Variants in VAMP1 observed in about 807,000 individuals in gnomAD.
The protein encoded by VAMP1 is vesicle-associated membrane protein 1.
In VAMP1, 16 loss-of-function variants were observed where a neutral mutation model predicts 19.1. That is an observed-to-expected ratio of 0.84 (90% CI 0.57 to 1.27). VAMP1 has a LOEUF of 1.27. VAMP1 is among the 50% of genes most tolerant of loss of function. VAMP1 has a pLI of 0.00. For synonymous variants in VAMP1, 37 were observed against 50.2 expected (o/e 0.74, Z 1.11); for missense variants, 109 against 145.4 (o/e 0.75, Z 1.29).
At chr12:6,469,380 C>G (rs1001685370) in intron 1 of VAMP1, among the ~76,000 whole-genome samples, 4 of 152,194 alleles carry the variant, frequency 2.6e-5, no homozygotes, top group African/African-American at 9.7e-5. Flanking sequence ...GCCTTCTGTT[C>G]ATCCCACGTA....
In VAMP1 at chr12:6,470,599, G is replaced by C. The variant is rs1315510930; in HGVS notation, c.-68C>G. On this transcript the variant is annotated 5_prime_UTR_variant, in exon 1 of 5. Coordinates refer to ENST00000396308, the MANE Select transcript of VAMP1 (RefSeq NM_014231.5). ...TGCGGCGAGACACCCGGTGAGGGAC[G>C]CTGCGGCTGAAGTGGACGGAACTGC... is the stretch of plus-strand genomic sequence containing the variant. The C allele has an allele frequency of 1.4e-5, 23 of 1,602,880 alleles. No homozygotes were observed. The highest frequency in any genetic ancestry group is 2.0e-5 in the Non-Finnish European group (23 of 1,171,342).
Position 6,470,660 on chromosome 12 carries a change from G to C in VAMP1, c.-129C>G. ...CTCGCGCCGACTACCCCGCGGTCTA[G>C]CTGCGCTGGAACTTACTGCAGCTGC... On this transcript the variant is annotated 5_prime_UTR_variant, in exon 1 of 5. Coordinates refer to ENST00000396308, the MANE Select transcript of VAMP1 (RefSeq NM_014231.5). The C allele has an allele frequency of 1.6e-6, 2 of 1,257,094 alleles. No individual in the cohort carries two copies. The highest frequency in any genetic ancestry group is 1.2e-5 in the South Asian group (1 of 80,094). 77.9% of individuals were successfully genotyped at this position (1,257,094 alleles called of 1,614,324 possible). A position where few individuals can be genotyped will look rare whatever the true frequency, so the allele number is the denominator to read the frequency against.
Position 6,464,139 on chromosome 12 carries a change from G to A in VAMP1, c.*331C>T, listed in dbSNP as rs1949945254. ...CTCCCAAGTCTGGGCAGCTTCATGG[G>A]TACTTCGCCTCAGCCACTCCCCTCC... On this transcript the variant is annotated 3_prime_UTR_variant, in exon 5 of 5. Transcript: ENST00000396308. The A allele has an allele frequency of 7.3e-6, 10 of 1,379,278 alleles. No individual in the cohort carries two copies. Among genetic ancestry groups the A allele is most frequent in the Non-Finnish European group, 9.6e-6 (10 of 1,046,828 alleles). 85.4% of individuals were successfully genotyped at this position (1,379,278 alleles called of 1,614,324 possible).
At chr12:6,468,620 G>A (rs1945689174) in intron 1 of VAMP1, among the ~76,000 whole-genome samples, 1 of 152,152 alleles carries the variant, frequency 6.6e-6, no homozygotes, top group South Asian at 2.1e-4. Context: ...GACTCCCTTG[G>A]TTACTTACAT....
rs1945753603 is a variant in VAMP1, at chr12:6,470,674, T to TA, written c.-144dup. 6.6e-6 allele frequency: 7 copies of TA among 1,063,638 alleles called. No individual in the cohort carries two copies. The highest frequency in any genetic ancestry group is 2.0e-5 in the Admixed American group (1 of 49,380). The allele number at this position is 1,063,638 out of a possible 1,614,324, so 65.9% of individuals were successfully genotyped here. A position where few individuals can be genotyped will look rare whatever the true frequency, so the allele number is the denominator to read the frequency against. On this transcript the variant is annotated 5_prime_UTR_variant, in exon 1 of 5. Transcript: ENST00000396308. ...CCCGCGGTCTAGCTGCGCTGGAACT[T>TA]ACTGCAGCTGCCGCGCCGGCCTCCG...
Position 6,462,982 on chromosome 12 carries a change from C to G in VAMP1, c.*1488G>C. The G allele has an allele frequency of 1.3e-6, 2 of 1,551,348 alleles. No individual in the cohort carries two copies. The highest frequency in any genetic ancestry group is 1.7e-6 in the Non-Finnish European group (2 of 1,147,172). ...CCTCAGCCTCTTCCTGTTCGTGGAC[C>G]GAGGGAAGAAGGAATAAAGGGCCAT... is the stretch of plus-strand genomic sequence containing the variant. On this transcript the variant is annotated 3_prime_UTR_variant, in exon 5 of 5. Transcript: ENST00000396308.
intron 1 of VAMP1, among the ~76,000 whole-genome samples, chr12:6,468,935 AGT>A (rs961377987): frequency 6.6e-6 from 1 of 152,264 alleles, no homozygotes; most frequent in Non-Finnish European, 1.5e-5. Context: ...GCAGTCCAAG[AGT>A]AAATGCAACA....
chr12:6,465,462 A>G (rs1179045024), intron 3 of VAMP1: 6 of 116,964 alleles, frequency 5.1e-5, no homozygotes, highest in African/African-American at 2.1e-4. Flanking sequence ...ATATGTGTAT[A>G]TATAGTGTGT....
Position 6,462,734 on chromosome 12 carries a change from G to C in VAMP1, c.*1736C>G. On this transcript the variant is annotated 3_prime_UTR_variant, in exon 5 of 5. Coordinates refer to ENST00000396308, the MANE Select transcript of VAMP1 (RefSeq NM_014231.5). ...CGAGGACAGTGGTGGTTCTTCTCCA[G>C]CGGTGACCCCCTGCATTAGGCAAGG... 1.5e-6 allele frequency: 2 copies of C among 1,297,788 alleles called. No individual in the cohort carries two copies. Among genetic ancestry groups the C allele is most frequent in the Non-Finnish European group, 2.1e-6 (2 of 944,704 alleles). The allele number at this position is 1,297,788 out of a possible 1,614,324, so 80.4% of individuals were successfully genotyped here.
Position 6,464,466 on chromosome 12 carries a change from A to C in VAMP1, c.*4T>G. ...ATGGACAACAGGGAAGGGGTGGTAC[A>C]TTCTCAAGTAAAAAAGTAGACTGGA... is the stretch of plus-strand genomic sequence containing the variant. On this transcript the variant is annotated 3_prime_UTR_variant, in exon 5 of 5. Coordinates refer to ENST00000396308, the MANE Select transcript of VAMP1 (RefSeq NM_014231.5). 1.3e-6 allele frequency: 2 copies of C among 1,550,630 alleles called. No homozygotes were observed. The highest frequency in any genetic ancestry group is 2.4e-5 in the South Asian group (2 of 83,130).
chr12:6,464,763 A>C, intron 4 of VAMP1, 127 bp downstream of exon 4: 1 of 1,536,002 alleles, frequency 6.5e-7, no homozygotes, highest in South Asian at 1.3e-5. Flanking sequence ...CCAGGTGACG[A>C]TCCCATAGCA....
At chr12:6,465,044 G>C in intron 3 of VAMP1, 103 bp from the exon 4 acceptor site, 1 of 1,549,026 alleles carries the variant, frequency 6.5e-7, no homozygotes, top group Non-Finnish European at 8.7e-7. Flanking sequence ...TGGGACAATG[G>C]AAAAAACCAC....
In VAMP1 at chr12:6,463,171, G is replaced by C. The variant is rs1428374234; in HGVS notation, c.*1299C>G. Reference sequence around the variant, plus strand: ...TACACACAAACCATGCAAAGAGGAGGAAGAGAAAGGAGGCAAAGTAGAATT... The same window carrying C: ...TACACACAAACCATGCAAAGAGGAGCAAGAGAAAGGAGGCAAAGTAGAATT... On this transcript the variant is annotated 3_prime_UTR_variant, in exon 5 of 5. Coordinates refer to ENST00000396308, the MANE Select transcript of VAMP1 (RefSeq NM_014231.5). This position sits in a 1 kb window ranked among gnomAD's most constrained non-coding sequence, Gnocchi z 4.0. The C allele has an allele frequency of 2.8e-6, 4 of 1,441,532 alleles. No individual in the cohort carries two copies. The highest frequency in any genetic ancestry group is 5.4e-5 in the Admixed American group (2 of 36,982). The allele number at this position is 1,441,532 out of a possible 1,614,324, so 89.3% of individuals were successfully genotyped here.
chr12:6,462,992 A>C lies in VAMP1; in HGVS notation c.*1478T>G. The C allele has an allele frequency of 6.4e-7, 1 of 1,550,716 alleles. No individual in the cohort carries two copies. Among genetic ancestry groups the C allele is most frequent in the South Asian group, 1.2e-5 (1 of 84,062 alleles). On this transcript the variant is annotated 3_prime_UTR_variant, in exon 5 of 5. Transcript: ENST00000396308. ...TTCCTGTTCGTGGACCGAGGGAAGA[A>C]GGAATAAAGGGCCATGGGCATTCTC...
Position 6,465,991 on chromosome 12 carries a change from T to C in VAMP1, c.139A>G (p.Ile47Val). 3.7e-6 allele frequency: 6 copies of C among 1,614,238 alleles called. No homozygotes were observed. Among genetic ancestry groups the C allele is most frequent in the Non-Finnish European group, 5.1e-6 (6 of 1,180,034 alleles). Residue 47 changes from isoleucine (I) to valine (V), a missense_variant, in exon 3 of 5, where the codon ATC becomes GTC. By Grantham distance (29) the Ile-to-Val change is conservative. Coordinates refer to ENST00000396308, the MANE Select transcript of VAMP1 (RefSeq NM_014231.5). ...TQAQVEEVVD[I>V]IRVNVDKVLE... The stretch of plus-strand genomic sequence containing the variant: ...ACCTTGTCCACGTTCACACGTATGA[T>C]GTCCACCACCTGAGGAGGGCACAGA...
At chr12:6,465,046 A>G in intron 3 of VAMP1, 105 bp from the exon 4 acceptor site, 2 of 1,542,880 alleles carry the variant, frequency 1.3e-6, no homozygotes, top group Admixed American at 1.9e-5. Context: ...GGACAATGGA[A>G]AAAACCACCC....
At chr12:6,464,815 C>A in intron 4 of VAMP1, 75 bp downstream of exon 4, 1 of 1,604,716 alleles carries the variant, frequency 6.2e-7, no homozygotes. Flanking sequence ...ACTCCCCAGG[C>A]AGGCAGGCAG....
Position 6,470,553 on chromosome 12 carries a change from G to C in VAMP1, c.-22C>G. On this transcript the variant is annotated 5_prime_UTR_variant, in exon 1 of 5. Coordinates refer to ENST00000396308, the MANE Select transcript of VAMP1 (RefSeq NM_014231.5). ...ACATTTTTCTGACAGAGAGAGTGAG[G>C]GTCTGTTCCTCTCCGGAGGCTGCGG... The C allele has an allele frequency of 2.5e-6, 4 of 1,613,936 alleles. No individual in the cohort carries two copies. The highest frequency in any genetic ancestry group is 3.4e-6 in the Non-Finnish European group (4 of 1,179,848).
Position 6,464,260 on chromosome 12 carries a change from C to T in VAMP1, c.*210G>A, listed in dbSNP as rs546853015. On this transcript the variant is annotated 3_prime_UTR_variant, in exon 5 of 5. Coordinates refer to ENST00000396308, the MANE Select transcript of VAMP1 (RefSeq NM_014231.5). ...GGAGGAGGCGCCAGCTGTTGCTCTT[C>T]GGGTAATGACTTAGATTGTGCCACG... The T allele has an allele frequency of 9.8e-6, 15 of 1,532,846 alleles. No individual in the cohort carries two copies. In the African/African-American group the frequency reaches 1.1e-4, roughly 11 times the overall value. 95.0% of individuals were successfully genotyped at this position (1,532,846 alleles called of 1,614,324 possible).
Sources: allele counts gnomAD v4.1 joint callset (sites outside exome capture counted in the v4.1 genomes callset), GRCh38; gene constraint gnomAD v4.1.1; non-coding constraint Gnocchi (gnomAD v3.1); transcripts MANE v1.5; gene names NCBI Gene and HGNC (gene_info 2026-07-23, HGNC 2026-07-21).